RERE: variants seen among roughly 807,000 people sequenced by gnomAD.
RERE encodes the protein arginine-glutamic acid dipeptide repeats, also known as arginine-glutamic acid dipeptide repeats protein.
RERE carries 40 observed loss-of-function variants against 146.1 expected under a neutral mutation model. That is an observed-to-expected ratio of 0.27 (90% CI 0.21 to 0.36). The LOEUF (loss-of-function observed/expected upper bound fraction) is 0.36, where lower values mean the gene tolerates loss of function less well. Ranked by LOEUF, RERE falls within the 10% of genes least tolerant of loss-of-function variation. RERE has a pLI of 1.00. For missense variants in RERE, 1,933 were observed against 2,138.7 expected, an observed-to-expected ratio of 0.90 and a Z score of 1.90; for synonymous variants, 1,003 against 866.0, an observed-to-expected ratio of 1.16 and a Z score of -2.78.
intron 12 of RERE, among the ~76,000 whole-genome samples, chr1:8,367,545 C>T (rs1045178323): frequency 5.3e-5 from 8 of 152,194 alleles, no homozygotes; most frequent in Admixed American, 5.2e-4. Flanking sequence ...TACTCCTGAT[C>T]ACCAATACCT....
chr1:8,568,651 C>A (rs1646181130), intron 4 of RERE, among the ~76,000 whole-genome samples: 1 of 152,142 alleles, frequency 6.6e-6, no homozygotes, highest in Admixed American at 6.5e-5. Flanking sequence ...CCCCAGAGGC[C>A]AACCAGATGC....
At chr1:8,743,967 G>T (rs1313818223) in intron 1 of RERE, among the ~76,000 whole-genome samples, 1 of 152,116 alleles carries the variant, frequency 6.6e-6, no homozygotes, top group African/African-American at 2.4e-5. Context: ...ATTTGGGTTT[G>T]TTTCACTTGC....
intron 1 of RERE, among the ~76,000 whole-genome samples, chr1:8,800,988 G>A (rs1316741678): frequency 6.6e-6 from 1 of 151,516 alleles, no homozygotes; most frequent in Non-Finnish European, 1.5e-5. Context: ...GCCAGGCATG[G>A]TGGCTCACGC....
At position 8,359,677 on chromosome 1, in the gene RERE, C is replaced by A. The variant is rs552074891; in HGVS notation, c.3618+87G>T. The stretch of plus-strand genomic sequence containing the variant: ...CTGCCAGGAGGCCGAGTCAGGCAGC[C>A]AAGGGCAGAGCTCGGTGGCCCAGCG... On this transcript the variant is annotated intron_variant, in intron 19 of 22. Transcript: ENST00000400908. 5.4e-5 allele frequency: 78 copies of A among 1,449,852 alleles called. 1 individual carries two copies. The highest frequency in any genetic ancestry group is 4.8e-4 in the South Asian group (39 of 81,524). 89.8% of individuals were successfully genotyped at this position (1,449,852 alleles called of 1,614,324 possible). A position where few individuals can be genotyped will look rare whatever the true frequency, so the allele number is the denominator to read the frequency against.
intron 7 of RERE, among the ~76,000 whole-genome samples, chr1:8,533,666 T>G (rs574431536): frequency 1.3e-5 from 2 of 152,336 alleles, no homozygotes; most frequent in East Asian, 1.9e-4. Context: ...CCCCTCTAGG[T>G]TGGAAAATGT....
Position 8,706,873 on chromosome 1 carries a change from C to A in RERE, c.-144-50432G>T, listed in dbSNP as rs1205102421. Among the ~76,000 whole-genome samples, 4 of 152,028 alleles carry A rather than the reference C, an allele frequency of 2.6e-5. 1 individual carries two copies. Among genetic ancestry groups the A allele is most frequent in the African/African-American group, 9.7e-5 (4 of 41,368 alleles). The stretch of plus-strand genomic sequence containing the variant: ...TGAAGAGGAAAAATCAAAGTTATTA[C>A]AACAAAAACTATAATTTTTCAGGTG... On this transcript the variant is annotated intron_variant, in intron 1 of 22. Transcript: ENST00000400908.
At chr1:8,810,160 G>A (rs115317967) in intron 1 of RERE, among the ~76,000 whole-genome samples, 1,818 of 152,160 alleles carry the variant, frequency 0.012, 30 homozygotes, top group African/African-American at 0.041. Flanking sequence ...ACCCGCCATC[G>A]TGCCCAGCAA....
At chr1:8,568,383 C>T (rs1211974714) in intron 4 of RERE, among the ~76,000 whole-genome samples, 1 of 152,176 alleles carries the variant, frequency 6.6e-6, no homozygotes, top group African/African-American at 2.4e-5. Flanking sequence ...TTGCAGATGG[C>T]CTGCGATGGT....
At chr1:8,407,040 T>C (rs571037272) in intron 12 of RERE, among the ~76,000 whole-genome samples, 9 of 152,340 alleles carry the variant, frequency 5.9e-5, no homozygotes, top group Admixed American at 2.6e-4. Context: ...GGAAAGTTAA[T>C]GAACATGGAG....
chr1:8,403,450 C>CT (rs1643333362), intron 12 of RERE, among the ~76,000 whole-genome samples: 1 of 131,202 alleles, frequency 7.6e-6, no homozygotes, highest in Non-Finnish European at 1.6e-5. Flanking sequence ...TTTTTTTTTC[C>CT]TGCTTCTCGG....
rs1641137136 is a variant in RERE at position 8,352,560 on chromosome 1, G to A, written c.*2527C>T. Reference sequence around the variant, plus strand: ...TACTCATATATACATTTAGCTTCAAGATATATAGAAACGTAGCAAATCCGA... The same window carrying A: ...TACTCATATATACATTTAGCTTCAAAATATATAGAAACGTAGCAAATCCGA... On this transcript the variant is annotated 3_prime_UTR_variant, in exon 23 of 23. Coordinates refer to ENST00000400908, the MANE Select transcript of RERE (RefSeq NM_001042681.2). The A allele has an allele frequency of 6.6e-6, 1 of 152,406 alleles. No individual in the cohort carries two copies. Among genetic ancestry groups the A allele is most frequent in the Admixed American group, 6.5e-5 (1 of 15,280 alleles). 9.4% of individuals were successfully genotyped at this position (152,406 alleles called of 1,614,324 possible).
intron 10 of RERE, among the ~76,000 whole-genome samples, chr1:8,486,380 T>C (rs1233151438): frequency 6.6e-6 from 1 of 152,084 alleles, no homozygotes; most frequent in Non-Finnish European, 1.5e-5. Context: ...TAGAAATCAA[T>C]AACATTCCAA....
chr1:8,721,580 C>T (rs1639864512), intron 1 of RERE, among the ~76,000 whole-genome samples: 1 of 152,092 alleles, frequency 6.6e-6, no homozygotes, highest in South Asian at 2.1e-4. Context: ...TCCCAAAATG[C>T]CGGGATTACA....
intron 1 of RERE, among the ~76,000 whole-genome samples, chr1:8,796,321 G>A (rs1431961674): frequency 1.3e-5 from 2 of 152,170 alleles, no homozygotes; most frequent in African/African-American, 4.8e-5. Context: ...GCCACTCAAT[G>A]TTCACAGTCT....
intron 1 of RERE, among the ~76,000 whole-genome samples, chr1:8,801,273 C>CT (rs35607084): frequency 1.8e-4 from 26 of 147,110 alleles, no homozygotes; most frequent in East Asian, 6.0e-4. Context: ...AAAAATTGTT[C>CT]TTTTTTTTTT....
chr1:8,598,655 C>A (rs1646584472), intron 4 of RERE, among the ~76,000 whole-genome samples: 1 of 152,224 alleles, frequency 6.6e-6, no homozygotes, highest in Non-Finnish European at 1.5e-5. Context: ...CTGTCTCTTT[C>A]TGTCCTTTGT....
chr1:8,530,983 G>A (rs989812387), intron 7 of RERE, among the ~76,000 whole-genome samples: 4 of 151,986 alleles, frequency 2.6e-5, no homozygotes, highest in African/African-American at 7.3e-5. Context: ...GAGCCACCGC[G>A]CCCGGCCTGA....
chr1:8,812,393 T>C (rs1277535262), intron 1 of RERE, among the ~76,000 whole-genome samples: 1 of 152,218 alleles, frequency 6.6e-6, no homozygotes, highest in Admixed American at 6.5e-5. Context: ...ACGCCTGTAA[T>C]CCCGGCCCTT....
chr1:8,765,086 A>C (rs1640822240), intron 1 of RERE, among the ~76,000 whole-genome samples: 1 of 152,242 alleles, frequency 6.6e-6, no homozygotes, highest in African/African-American at 2.4e-5. Flanking sequence ...ACAGCCAAAA[A>C]GTAGAACCAT....
Sources: allele counts gnomAD v4.1 joint callset (sites outside exome capture counted in the v4.1 genomes callset), GRCh38; gene constraint gnomAD v4.1.1; transcripts MANE v1.5; gene names NCBI Gene and HGNC (gene_info 2026-07-23, HGNC 2026-07-21).